MED12: variants seen among roughly 807,000 people sequenced by gnomAD.
MED12 encodes mediator complex subunit 12.
In MED12, 10 loss-of-function variants were observed where a neutral mutation model predicts 177.7. The observed-to-expected ratio is 0.06, with a 90% CI of 0.03 to 0.10. MED12 has a LOEUF of 0.10. Among genes scored for constraint, MED12 ranks in the 10% least tolerant of loss-of-function variants. The pLI is 1.00. For missense variants in MED12, 867 were observed against 1,780.8 expected (o/e 0.49, Z 9.23); for synonymous variants, 641 against 678.4 (o/e 0.94, Z 0.86).
chrX:71,126,367 C>A lies in MED12; in HGVS notation c.2568C>A (p.Ile856=). 1 of 1,211,996 alleles carries A rather than the reference C, an allele frequency of 8.3e-7. No homozygotes were observed. The highest frequency in any genetic ancestry group is 1.7e-5 in the African/African-American group (1 of 57,887). Residue 856 remains isoleucine (I), a synonymous_variant, in exon 19 of 45, where the codon ATC becomes ATA. Transcript: ENST00000374080. ...AQVSRNVLEQ[I]TSFALGMSYH... is the part of the protein sequence containing the mutation. ...TCTCCCGGAATGTTCTGGAGCAGATCACGAGCTTTGCCCTTGGCATGTCAT... is the reference window on the plus strand; with the variant it reads ...TCTCCCGGAATGTTCTGGAGCAGATAACGAGCTTTGCCCTTGGCATGTCAT...
chrX:71,140,080 CT>C (rs746271800), intron 41 of MED12, among the ~76,000 whole-genome samples: 1,266 of 88,572 alleles, frequency 0.014, 21 homozygotes, highest in African/African-American at 0.047. Context: ...TCTTTTCTTT[CT>C]TTTTTTTTTT....
intron 28 of MED12, among the ~76,000 whole-genome samples, chrX:71,131,052 G>T (rs1225602825): frequency 9.0e-6 from 1 of 110,911 alleles, no homozygotes; most frequent in Non-Finnish European, 1.9e-5. Flanking sequence ...GGATGGGAAA[G>T]ATGTGAAATC....
chrX:71,133,339 T>G (rs1281767224), intron 33 of MED12, 127 bp downstream of exon 33: 3 of 457,440 alleles, frequency 6.6e-6, no homozygotes, highest in African/African-American at 2.5e-5. Context: ...TTGAAGGGTT[T>G]TTTTTTTTTT....
rs2092349268 is a variant in MED12 at position 71,141,868 on chromosome X, C to G, written c.6409-15C>G. ...AAAGTTCGACTTCAGTCTTCCACTT[C>G]CTATTTCCACCCAGTTCCAGCGCCA... is the stretch of plus-strand genomic sequence containing the variant. On this transcript the variant is annotated splice_polypyrimidine_tract_variant and intron_variant, in intron 43 of 44. Transcript: ENST00000374080. 8.3e-7 allele frequency: 1 copy of G among 1,203,129 alleles called. No individual in the cohort carries two copies. The highest frequency in any genetic ancestry group is 1.8e-5 in the African/African-American group (1 of 56,773).
intron 39 of MED12, 38 bp from the exon 40 acceptor site, chrX:71,137,520 A>G (rs1251806550): frequency 8.5e-7 from 1 of 1,179,942 alleles, no homozygotes; most frequent in Non-Finnish European, 1.1e-6. Flanking sequence ...GGCAGCAAGC[A>G]TTTCCTGAGT....
Position 71,133,146 on chromosome X carries a change from C to T in MED12, c.4551C>T (p.Asp1517=). 1 of 1,202,391 alleles carries T rather than the reference C, an allele frequency of 8.3e-7. No individual in the cohort carries two copies. The highest frequency in any genetic ancestry group is 1.1e-6 in the Non-Finnish European group (1 of 887,271). ...VHQIVNNWRD[D]QYLDDCKPKQ... is the part of the protein sequence containing the mutation. The stretch of plus-strand genomic sequence containing the variant: ...AGATTGTGAATAATTGGCGAGATGA[C>T]CAGTACTTAGATGATTGCAAACCAA... The change falls in exon 33 of 45, where the codon GAC becomes GAT. Residue 1517 remains aspartate (D), a synonymous_variant. Coordinates refer to ENST00000374080, the MANE Select transcript of MED12 (RefSeq NM_005120.3).
chrX:71,129,991 C>A (rs745834979), intron 27 of MED12, 44 bp from the exon 28 acceptor site: 11 of 1,189,784 alleles, frequency 9.2e-6, no homozygotes. Flanking sequence ...TATTCCTAAC[C>A]CCCTCACTGG....
At chrX:71,135,301 G>T (rs1170960134) in intron 36 of MED12, 48 bp downstream of exon 36, 2 of 1,197,690 alleles carry the variant, frequency 1.7e-6, no homozygotes, top group Non-Finnish European at 2.3e-6. Flanking sequence ...TCCCCTTTGG[G>T]CAAGAACTTT....
rs767609800 is a variant in MED12 at position 71,140,665 on chromosome X, C to T, written c.6075C>T (p.Pro2025=). 8.3e-7 allele frequency: 1 copy of T among 1,210,783 alleles called. No homozygotes were observed. Among genetic ancestry groups the T allele is most frequent in the Non-Finnish European group, 1.1e-6 (1 of 895,272 alleles). ...RFSHQTLQQT[P]MISTMTPMSA... ...CACACCAGACACTGCAGCAGACACC[C>T]ATGATAAGTACCATGACTCCAATGA... Residue 2025 remains proline, a synonymous_variant, in exon 42 of 45, where the codon CCC becomes CCT. Coordinates refer to ENST00000374080, the MANE Select transcript of MED12 (RefSeq NM_005120.3).
Position 71,119,561 on chromosome X carries a change from G to A in MED12, c.204+84G>A, listed in dbSNP as rs2092284403. 4.6e-6 allele frequency: 5 copies of A among 1,081,029 alleles called. No individual in the cohort carries two copies. In the South Asian group the frequency reaches 9.8e-5, roughly 21 times the overall value. 89.1% of individuals were successfully genotyped at this position (1,081,029 alleles called of 1,213,427 possible). ...GCCCTGGGTTGGGAAGACTTATAGG[G>A]ACAACCTAAGTGGCTGAGTTTGCCT... On this transcript the variant is annotated intron_variant, in intron 2 of 44. Transcript: ENST00000374080.
rs758599601 is a variant in MED12 at position 71,128,261 on chromosome X, A to G, written c.3210-35A>G. ...AATGGGTCTGAGGTTTTGTGGAGCA[A>G]GGTTTTTCCTGAGGGCATTTGTACT... is the stretch of plus-strand genomic sequence containing the variant. On this transcript the variant is annotated intron_variant, in intron 22 of 44. Transcript: ENST00000374080. 3 of 1,209,492 alleles carry G rather than the reference A, an allele frequency of 2.5e-6. No individual in the cohort carries two copies. The African/African-American group carries it at 5.3e-5, about 21-fold the overall frequency.
chrX:71,134,629 T>G, intron 34 of MED12, 84 bp from the exon 35 acceptor site: 1 of 1,147,575 alleles, frequency 8.7e-7, no homozygotes, highest in Non-Finnish European at 1.2e-6. Flanking sequence ...ATTAAGCACC[T>G]CTCCCTGCTT....
intron 36 of MED12, 140 bp downstream of exon 36, chrX:71,135,393 G>A (rs898356937): frequency 1.3e-5 from 9 of 680,898 alleles, no homozygotes; most frequent in Non-Finnish European, 2.1e-5. Context: ...CATCTCTGGG[G>A]TTTTGAGCAA....
rs34761462 is a variant in MED12, at chrX:71,127,372, C to T, written c.2886C>T (p.Ser962=). ...CGVVKHGMNR[S]DGSSAERCIL... is the part of the protein sequence containing the mutation. ...TCGTGAAGCATGGGATGAACCGGTC[C>T]GATGGCTCCTCTGCAGAGCGCTGTA... Residue 962 remains serine (S), a synonymous_variant, in exon 21 of 45, where the codon TCC becomes TCT. Coordinates refer to ENST00000374080, the MANE Select transcript of MED12 (RefSeq NM_005120.3). The T allele has an allele frequency of 1.2e-3, 1,401 of 1,208,905 alleles. 10 individuals carry two copies. In the African/African-American group the frequency reaches 0.019, roughly 16 times the overall value.
chrX:71,126,188 C>A (rs2092302913), intron 18 of MED12, 34 bp downstream of exon 18: 1 of 1,166,624 alleles, frequency 8.6e-7, no homozygotes, highest in African/African-American at 1.8e-5. Context: ...TTCCCACATT[C>A]TGGCCTCCTG....
chrX:71,120,197 C>G, intron 4 of MED12, 27 bp downstream of exon 4: 1 of 1,193,826 alleles, frequency 8.4e-7, no homozygotes, highest in Non-Finnish European at 1.1e-6. Flanking sequence ...ACCAGGTGTA[C>G]TGCTGATGGC....
At chrX:71,134,286 G>A (rs2092326697) in intron 33 of MED12, 71 bp from the exon 34 acceptor site, 3 of 550,113 alleles carry the variant, frequency 5.5e-6, no homozygotes, top group Admixed American at 5.8e-5. Flanking sequence ...AACTCAGATT[G>A]GAACTAAGCT....
At position 71,118,712 on chromosome X, in the gene MED12, A is replaced by T. The variant is rs2092281235; in HGVS notation, c.-43A>T. ...TCTCCCCCTTCCCGTTCCCCCAGTCAGCCTGGCCCTGCTGGTGCCTCCGGC... is the reference window on the plus strand; with the variant it reads ...TCTCCCCCTTCCCGTTCCCCCAGTCTGCCTGGCCCTGCTGGTGCCTCCGGC... On this transcript the variant is annotated 5_prime_UTR_variant, in exon 1 of 45. Transcript: ENST00000374080. 6 of 1,152,331 alleles carry T rather than the reference A, an allele frequency of 5.2e-6. No individual in the cohort carries two copies. Among genetic ancestry groups the T allele is most frequent in the Non-Finnish European group, 7.0e-6 (6 of 851,957 alleles). 95.0% of individuals were successfully genotyped at this position (1,152,331 alleles called of 1,213,427 possible). A position where few individuals can be genotyped will look rare whatever the true frequency, so the allele number is the denominator to read the frequency against.
intron 4 of MED12, 51 bp downstream of exon 4, chrX:71,120,221 A>G (rs1240226519): frequency 8.9e-7 from 1 of 1,127,242 alleles, no homozygotes; most frequent in South Asian, 1.8e-5. Flanking sequence ...AAGGAGTGAT[A>G]GAGACACCCT....
Sources: gnomAD v4.1 joint callset for allele counts (sites outside exome capture counted in the v4.1 genomes callset) on GRCh38, gnomAD v4.1.1 for gene constraint, MANE v1.5 for transcripts, NCBI Gene and HGNC (gene_info 2026-07-23, HGNC 2026-07-21) for gene names.